Variants in RFTN2 observed in about 807,000 individuals in gnomAD.
RFTN2 encodes raftlin-2.
A neutral mutation model predicts 52.7 loss-of-function variants in RFTN2; 34 were observed. The observed-to-expected ratio is 0.64, with a 90% CI of 0.49 to 0.86. The LOEUF (loss-of-function observed/expected upper bound fraction) is 0.86, where lower values mean the gene tolerates loss of function less well. Ranked by LOEUF, RFTN2 falls within the 40% of genes least tolerant of loss-of-function variation. The pLI, the probability that RFTN2 is intolerant of heterozygous loss-of-function variation, is 0.00. For synonymous variants in RFTN2, 203 were observed against 217.7 expected, an observed-to-expected ratio of 0.93 and a Z score of 0.59; for missense variants, 536 against 600.1, an observed-to-expected ratio of 0.89 and a Z score of 1.12.
Position 197,675,467 on chromosome 2 carries a change from C to T in RFTN2, c.-9G>A, listed in dbSNP as rs773284123. The T allele has an allele frequency of 3.2e-6, 5 of 1,543,690 alleles. No homozygotes were observed. In the South Asian group the frequency reaches 6.3e-5, roughly 20 times the overall value. On this transcript the variant is annotated 5_prime_UTR_variant, in exon 1 of 9. Transcript: ENST00000295049. ...CTAAGTCCGCACCCCATGGCAAAAT[C>T]TGTAAGGAATTAAATTGCAGGAAAG...
chr2:197,667,211 C>G (rs1293878634), intron 1 of RFTN2, among the ~76,000 whole-genome samples: 2 of 152,148 alleles, frequency 1.3e-5, no homozygotes, highest in African/African-American at 4.8e-5. Context: ...GTCTCAAACT[C>G]CTGACCTCAA....
chr2:197,639,603 G>A (rs1336343826), intron 3 of RFTN2, among the ~76,000 whole-genome samples: 22 of 102,610 alleles, frequency 2.1e-4, no homozygotes, highest in African/African-American at 8.4e-4. Context: ...GCTCCTTTAA[G>A]CACTTCTCTG....
rs868727395 is a variant in RFTN2 at position 197,668,065 on chromosome 2, G to A, written c.139+7255C>T. On this transcript the variant is annotated intron_variant, in intron 1 of 8. Coordinates refer to ENST00000295049, the MANE Select transcript of RFTN2 (RefSeq NM_144629.3). ...TTGCAAGCAGTGCACCCTGGTGTTG[G>A]CAGTGTCTGTGGTGGGCTGTGTAGG... 4.6e-5 allele frequency among the ~76,000 whole-genome samples: 7 copies of A among 152,240 alleles called. No individual in the cohort carries two copies. The South Asian group carries it at 1.5e-3, about 32-fold the overall frequency.
intron 5 of RFTN2, among the ~76,000 whole-genome samples, chr2:197,629,248 T>C (rs927456176): frequency 2.6e-5 from 4 of 152,220 alleles, no homozygotes; most frequent in African/African-American, 4.8e-5. Context: ...ATATACACCA[T>C]GGAATACTAT....
chr2:197,580,282 C>T (rs2087484711), intron 8 of RFTN2, among the ~76,000 whole-genome samples: 1 of 152,212 alleles, frequency 6.6e-6, no homozygotes, highest in Admixed American at 6.5e-5. Flanking sequence ...CTTGCCTCTG[C>T]TGTGAGAGAA....
At chr2:197,649,563 C>T (rs1054499099) in intron 1 of RFTN2, among the ~76,000 whole-genome samples, 1 of 152,158 alleles carries the variant, frequency 6.6e-6, no homozygotes, top group Non-Finnish European at 1.5e-5. Context: ...CTGGATACTG[C>T]TGGCCTTGCT....
chr2:197,660,934 TG>T (rs2106266604), intron 1 of RFTN2, among the ~76,000 whole-genome samples: 1 of 152,312 alleles, frequency 6.6e-6, no homozygotes, highest in Admixed American at 6.5e-5. Flanking sequence ...TACAGTATAT[TG>T]TTGTTAATTA....
chr2:197,661,507 A>G (rs574228501), intron 1 of RFTN2, among the ~76,000 whole-genome samples: 3 of 152,098 alleles, frequency 2.0e-5, no homozygotes, highest in Non-Finnish European at 4.4e-5. Flanking sequence ...CACCATGTAC[A>G]TATGTATCAT....
At chr2:197,595,888 T>G in intron 8 of RFTN2, 103 bp downstream of exon 8, 1 of 785,772 alleles carries the variant, frequency 1.3e-6, no homozygotes, top group South Asian at 1.7e-5. Context: ...AGAGGACTGT[T>G]TCCATATCAT....
intron 5 of RFTN2, among the ~76,000 whole-genome samples, chr2:197,621,758 C>T (rs181427745): frequency 2.0e-5 from 3 of 152,176 alleles, no homozygotes; most frequent in South Asian, 2.1e-4. Context: ...CAATTAATAA[C>T]CCCGAAATAG....
intron 7 of RFTN2, among the ~76,000 whole-genome samples, chr2:197,604,693 C>T (rs1184415743): frequency 1.3e-5 from 2 of 152,166 alleles, no homozygotes; most frequent in African/African-American, 4.8e-5. Flanking sequence ...GCTGTGATGA[C>T]ACAGGTCTTT....
chr2:197,601,575 T>C (rs756246617), intron 7 of RFTN2, among the ~76,000 whole-genome samples: 20 of 151,958 alleles, frequency 1.3e-4, no homozygotes, highest in Non-Finnish European at 2.2e-4. Context: ...CAAGCAAATG[T>C]AGAGTGACTA....
At chr2:197,669,967 C>G (rs114340761) in intron 1 of RFTN2, among the ~76,000 whole-genome samples, 1,822 of 152,280 alleles carry the variant, frequency 0.012, 32 homozygotes, top group African/African-American at 0.042. Flanking sequence ...GAATGCAGCC[C>G]TAAACACTAT....
chr2:197,640,510 G>T (rs1255000517), intron 3 of RFTN2, among the ~76,000 whole-genome samples: 1 of 144,328 alleles, frequency 6.9e-6, no homozygotes, highest in Non-Finnish European at 1.5e-5. Context: ...AGGTGAGTCC[G>T]TCACCCCTTT....
chr2:197,613,512 C>T (rs2088096630), intron 7 of RFTN2, among the ~76,000 whole-genome samples: 1 of 152,240 alleles, frequency 6.6e-6, no homozygotes, highest in South Asian at 2.1e-4. Context: ...ACTTCGGGCT[C>T]TATCCTCTAT....
chr2:197,610,636 C>A (rs1000531492), intron 7 of RFTN2, among the ~76,000 whole-genome samples: 1 of 152,154 alleles, frequency 6.6e-6, no homozygotes, highest in African/African-American at 2.4e-5. Flanking sequence ...CTGGCCAGAA[C>A]TTCCAACACT....
chr2:197,595,914 T>C, intron 8 of RFTN2, 77 bp downstream of exon 8: 1 of 1,017,130 alleles, frequency 9.8e-7, no homozygotes, highest in South Asian at 1.4e-5. Context: ...CGCTTTCTTA[T>C]TTGGAATTAC....
chr2:197,571,809 A>G lies in RFTN2; in HGVS notation c.*199T>C. 3 of 589,324 alleles carry G rather than the reference A, an allele frequency of 5.1e-6. No homozygotes were observed. The highest frequency in any genetic ancestry group is 9.0e-6 in the Non-Finnish European group (3 of 332,234). The allele number at this position is 589,324 out of a possible 1,614,324, so 36.5% of individuals were successfully genotyped here. ...TGTTTTAGTTGAGAGAAGTGTAAAC[A>G]TGATTCTAAATGTATAAATATGTTG... is the stretch of plus-strand genomic sequence containing the variant. On this transcript the variant is annotated 3_prime_UTR_variant, in exon 9 of 9. Transcript: ENST00000295049.
At chr2:197,574,159 ACT>A (rs906340816) in intron 8 of RFTN2, among the ~76,000 whole-genome samples, 21 of 152,208 alleles carry the variant, frequency 1.4e-4, no homozygotes, top group African/African-American at 4.6e-4. Flanking sequence ...TGGTAGATCC[ACT>A]GACAGCTTGC....
Sources: allele counts gnomAD v4.1 joint callset (sites outside exome capture counted in the v4.1 genomes callset), GRCh38; gene constraint gnomAD v4.1.1; transcripts MANE v1.5; gene names NCBI Gene and HGNC (gene_info 2026-07-23, HGNC 2026-07-21).